Variants in CHRM3 observed in about 807,000 individuals in gnomAD.
The protein encoded by CHRM3 is muscarinic acetylcholine receptor M3.
Under a neutral mutation model 41.8 loss-of-function variants are expected in CHRM3, and 11 were observed. The ratio of observed to expected loss-of-function variants is 0.26; its 90% CI spans 0.17 to 0.44. CHRM3 has a LOEUF of 0.44. CHRM3 is among the 20% of genes least tolerant of loss of function. The probability of loss-of-function intolerance (pLI) is 1.00; values close to 1 mark genes in which losing one functional copy is unlikely to be tolerated. For synonymous variants in CHRM3, 297 were observed against 301.4 expected, an observed-to-expected ratio of 0.99 and a Z score of 0.15; for missense variants, 571 against 745.4, an observed-to-expected ratio of 0.77 and a Z score of 2.72.
At chr1:239,412,668 A>G (rs182356069) in intron 1 of CHRM3, among the ~76,000 whole-genome samples, 29 of 151,978 alleles carry the variant, frequency 1.9e-4, no homozygotes, top group African/African-American at 5.3e-4. Flanking sequence ...TTTGCTGTGA[A>G]TATTTTTCTT....
intron 6 of CHRM3, among the ~76,000 whole-genome samples, chr1:239,843,877 G>A (rs1255368701): frequency 6.6e-6 from 1 of 151,196 alleles, no homozygotes; most frequent in Admixed American, 6.6e-5. Flanking sequence ...ATGTGTGTGT[G>A]TATATATATA....
chr1:239,698,145 G>A (rs1229207165), intron 5 of CHRM3, among the ~76,000 whole-genome samples: 1 of 152,092 alleles, frequency 6.6e-6, no homozygotes, highest in Non-Finnish European at 1.5e-5. Flanking sequence ...CTAAAAACAG[G>A]CATTAAAAGG....
At chr1:239,879,285 C>T (rs747495287) in intron 6 of CHRM3, among the ~76,000 whole-genome samples, 1 of 152,128 alleles carries the variant, frequency 6.6e-6, no homozygotes. Context: ...TGTGAGCCAA[C>T]GCACCCAGCT....
chr1:239,794,069 G>T (rs1427909396), intron 5 of CHRM3, among the ~76,000 whole-genome samples: 1 of 151,732 alleles, frequency 6.6e-6, no homozygotes, highest in African/African-American at 2.4e-5. Context: ...CCTCCCAAAG[G>T]GTTGGGATTA....
chr1:239,846,731 C>A (rs991600814), intron 6 of CHRM3, among the ~76,000 whole-genome samples: 4 of 152,126 alleles, frequency 2.6e-5, no homozygotes, highest in African/African-American at 4.8e-5. Context: ...GAAACAGTGA[C>A]TCAATGAAAC....
intron 5 of CHRM3, among the ~76,000 whole-genome samples, chr1:239,823,966 A>G (rs568767641): frequency 6.6e-6 from 1 of 152,204 alleles, no homozygotes; most frequent in South Asian, 2.1e-4. Flanking sequence ...CCTAAAGAAA[A>G]CAGCTCTCGA....
intron 1 of CHRM3, among the ~76,000 whole-genome samples, chr1:239,423,116 A>G (rs1662086055): frequency 6.6e-6 from 1 of 152,212 alleles, no homozygotes; most frequent in Non-Finnish European, 1.5e-5. Context: ...GAACTACAGC[A>G]TGTCAGAAGC....
chr1:239,872,651 G>A (rs903013869), intron 6 of CHRM3, among the ~76,000 whole-genome samples: 2 of 152,034 alleles, frequency 1.3e-5, no homozygotes, highest in Non-Finnish European at 2.9e-5. Context: ...CAAAATAAGG[G>A]TAAACATTAT....
intron 6 of CHRM3, among the ~76,000 whole-genome samples, chr1:239,888,645 G>A (rs149404430): frequency 1.3e-5 from 2 of 152,046 alleles, no homozygotes; most frequent in Admixed American, 6.5e-5. Flanking sequence ...GAATTAGGTG[G>A]GATCATGTAG....
chr1:239,824,619 T>A (rs1329911830), intron 5 of CHRM3, among the ~76,000 whole-genome samples: 1 of 152,228 alleles, frequency 6.6e-6, no homozygotes, highest in Non-Finnish European at 1.5e-5. Context: ...TCCTTAGAAT[T>A]ATGATTATCT....
chr1:239,740,156 T>A (rs1371496321), intron 5 of CHRM3, among the ~76,000 whole-genome samples: 1 of 152,146 alleles, frequency 6.6e-6, no homozygotes, highest in African/African-American at 2.4e-5. Flanking sequence ...CCACTTCCTG[T>A]CATACAACCT....
At chr1:239,829,033 C>G (rs1014269908) in intron 6 of CHRM3, among the ~76,000 whole-genome samples, 3 of 152,168 alleles carry the variant, frequency 2.0e-5, no homozygotes, top group South Asian at 4.1e-4. Flanking sequence ...TGTGCAGACA[C>G]TTGCTTTCTT....
chr1:239,464,257 G>A (rs1272618357), intron 1 of CHRM3, among the ~76,000 whole-genome samples: 1 of 148,562 alleles, frequency 6.7e-6, no homozygotes, highest in Admixed American at 6.7e-5. Context: ...TCCAGCCTGT[G>A]TGACAGAGTG....
chr1:239,782,950 A>G (rs2148812692), intron 5 of CHRM3, among the ~76,000 whole-genome samples: 1 of 151,286 alleles, frequency 6.6e-6, no homozygotes, highest in South Asian at 2.1e-4. Context: ...ATTTAGTTTC[A>G]TTGTAGTCTT....
intron 3 of CHRM3, among the ~76,000 whole-genome samples, chr1:239,598,825 G>A (rs549186242): frequency 1.6e-4 from 24 of 152,098 alleles, no homozygotes; most frequent in Non-Finnish European, 3.1e-4. Flanking sequence ...GTCAAAATAA[G>A]TGGGAGTGTA....
intron 6 of CHRM3, among the ~76,000 whole-genome samples, chr1:239,836,975 A>AG (rs1478880650): frequency 6.9e-6 from 1 of 145,790 alleles, no homozygotes; most frequent in Non-Finnish European, 1.5e-5. Flanking sequence ...CTCTGTCTTA[A>AG]AAAAAAAAAA....
intron 6 of CHRM3, among the ~76,000 whole-genome samples, chr1:239,881,262 G>A (rs1230420836): frequency 2.0e-5 from 2 of 99,498 alleles, no homozygotes; most frequent in Non-Finnish European, 3.6e-5. Flanking sequence ...CAGCCTGGGC[G>A]ACAGAGTGAG....
intron 3 of CHRM3, among the ~76,000 whole-genome samples, chr1:239,580,157 A>G (rs1172223449): frequency 6.6e-6 from 1 of 152,022 alleles, no homozygotes; most frequent in Non-Finnish European, 1.5e-5. Flanking sequence ...TCTATCATTA[A>G]GAGAATTTGT....
chr1:239,852,353 G>A (rs1674764288), intron 6 of CHRM3, among the ~76,000 whole-genome samples: 1 of 152,134 alleles, frequency 6.6e-6, no homozygotes, highest in South Asian at 2.1e-4. Context: ...TTTAAGCTGT[G>A]TGCCCCTCTG....
Sources: gnomAD v4.1 joint callset for allele counts (sites outside exome capture counted in the v4.1 genomes callset) on GRCh38, gnomAD v4.1.1 for gene constraint, MANE v1.5 for transcripts, NCBI Gene and HGNC (gene_info 2026-07-23, HGNC 2026-07-21) for gene names.